Variants in PIK3R3 observed in about 807,000 individuals in gnomAD.
PIK3R3 encodes the protein phosphatidylinositol 3-kinase regulatory subunit gamma.
PIK3R3 carries 64 observed loss-of-function variants against 62.9 expected under a neutral mutation model. The observed-to-expected ratio is 1.02, with a 90% confidence interval of 0.83 to 1.25. PIK3R3 has a LOEUF of 1.25. PIK3R3 is among the 50% of genes most tolerant of loss of function. PIK3R3 has a pLI of 0.00. For missense variants in PIK3R3, 614 were observed against 561.6 expected (o/e 1.09, Z -0.94); for synonymous variants, 165 against 189.0 (o/e 0.87, Z 1.04).
At position 46,043,769 on chromosome 1, in the gene PIK3R3, G is replaced by A. The variant is rs764365785; in HGVS notation, c.1290C>T (p.Leu430=). 6.8e-6 allele frequency: 11 copies of A among 1,614,154 alleles called. No homozygotes were observed. The highest frequency in any genetic ancestry group is 4.0e-5 in the African/African-American group (3 of 75,058). Reference sequence around the variant, plus strand: ...GAACCAAGGATGTCTGCTGGTAATGGAGCACTAGCTCCTTCAGAGAGCTGT... The same window carrying A: ...GAACCAAGGATGTCTGCTGGTAATGAAGCACTAGCTCCTTCAGAGAGCTGT... ...NLYSSLKELV[L]HYQQTSLVQH... The change falls in exon 10 of 10, where the codon CTC becomes CTT. Residue 430 remains leucine, a synonymous_variant. Coordinates refer to ENST00000262741, the MANE Select transcript of PIK3R3 (RefSeq NM_003629.4).
At chr1:46,159,269 A>G in the PIK3R3 span, among the ~76,000 whole-genome samples, 2 of 152,162 alleles carry the variant, frequency 1.3e-5, no homozygotes, top group Admixed American at 6.5e-5. Flanking sequence ...ACTAGATTAT[A>G]AATTCCATGG....
At chr1:46,053,931 C>A (rs534827580) in intron 7 of PIK3R3, among the ~76,000 whole-genome samples, 1 of 152,186 alleles carries the variant, frequency 6.6e-6, no homozygotes, top group Non-Finnish European at 1.5e-5. Flanking sequence ...AGCAGACACA[C>A]CCCATTTACA....
At chr1:46,144,855 C>A in the PIK3R3 span, among the ~76,000 whole-genome samples, 2 of 151,094 alleles carry the variant, frequency 1.3e-5, no homozygotes, top group South Asian at 2.1e-4. Context: ...CTGGGCACGG[C>A]GGCTCATGGC....
At chr1:46,125,108 T>A (rs952047407) in intron 1 of PIK3R3, among the ~76,000 whole-genome samples, 7 of 151,794 alleles carry the variant, frequency 4.6e-5, no homozygotes, top group Admixed American at 1.3e-4. Context: ...TCAAAAAAAA[T>A]TTTAAAAATT....
chr1:46,094,053 A>G (rs1347898193), intron 1 of PIK3R3, among the ~76,000 whole-genome samples: 2 of 151,700 alleles, frequency 1.3e-5, no homozygotes, highest in Non-Finnish European at 2.9e-5. Context: ...TGGGCAACAG[A>G]GTGAGACCCT....
chr1:46,100,645 T>G (rs1445202183), intron 1 of PIK3R3, among the ~76,000 whole-genome samples: 5 of 152,232 alleles, frequency 3.3e-5, no homozygotes, highest in African/African-American at 9.6e-5. Context: ...TGAAATACCC[T>G]GTCATTATAT....
chr1:46,131,923 G>A lies in PIK3R3; in HGVS notation c.30C>T (p.Arg10=), dbSNP rs1655641132. Residue 10 remains arginine (R), a synonymous_variant, in exon 1 of 10, where the codon CGC becomes CGT. Transcript: ENST00000262741. ...TCACCTCCCTCCAGTCTGCGTCATC[G>A]CGGTCCATACTCCACACCGTATTGT... MYNTVWSMD[R]DDADWREVMM... 1 of 1,613,602 alleles carries A rather than the reference G, an allele frequency of 6.2e-7. No homozygotes were observed. Among genetic ancestry groups the A allele is most frequent in the Non-Finnish European group, 8.5e-7 (1 of 1,179,820 alleles).
chr1:46,132,964 A>G (rs544869704), upstream of PIK3R3: 6,046 of 1,115,314 alleles, frequency 5.4e-3, 22 homozygotes, highest in Non-Finnish European at 6.1e-3. Flanking sequence ...TGCCGGGAGC[A>G]CGCGAGCCAG....
intron 7 of PIK3R3, chr1:46,048,070 C>G (rs1571346992): frequency 1.3e-5 from 2 of 152,344 alleles, no homozygotes; most frequent in African/African-American, 2.4e-5. Context: ...CATGAGCCAC[C>G]GTGCCAGGCC....
chr1:46,155,887 G>C, the PIK3R3 span, among the ~76,000 whole-genome samples: 1 of 152,114 alleles, frequency 6.6e-6, no homozygotes, highest in African/African-American at 2.4e-5. Flanking sequence ...CATAAATAAA[G>C]TCATACTCAT....
At chr1:46,054,616 A>G (rs1181931671) in intron 7 of PIK3R3, among the ~76,000 whole-genome samples, 1 of 152,096 alleles carries the variant, frequency 6.6e-6, no homozygotes, top group African/African-American at 2.4e-5. Flanking sequence ...TCACCCATAG[A>G]TGCATTTCAA....
Position 46,044,727 on chromosome 1 carries a change from C to A in PIK3R3, c.1188-856G>T, listed in dbSNP as rs1192148388. Among the ~76,000 whole-genome samples the A allele has an allele frequency of 1.3e-5, 2 of 152,216 alleles. No homozygotes were observed. The highest frequency in any genetic ancestry group is 4.8e-5 in the African/African-American group (2 of 41,448). ...CTTTTCCACAAAACCTCCCAATCCG[C>A]TCTTTCTCCACTAAAATTAATGCTT... is the stretch of plus-strand genomic sequence containing the variant. On this transcript the variant is annotated intron_variant, in intron 9 of 9. Transcript: ENST00000262741. This position sits in a 1 kb window ranked among gnomAD's most constrained non-coding sequence, Gnocchi z 4.2.
intron 1 of PIK3R3, among the ~76,000 whole-genome samples, chr1:46,106,399 C>T (rs1214885368): frequency 1.3e-5 from 2 of 152,158 alleles, no homozygotes; most frequent in Non-Finnish European, 2.9e-5. Context: ...AGCTATCATA[C>T]CAAGCCTCAA....
Position 46,045,968 on chromosome 1 carries a change from T to TC in PIK3R3, c.1136_1137insG (p.Phe380IlefsTer5). ...TCTTGCTACTCTCACGAATTAAGAA[T>TC]GCACCATCAGGTTTCCCATAAAGCA... is the stretch of plus-strand genomic sequence containing the variant. On this transcript the variant is annotated frameshift_variant, in exon 9 of 10. Coordinates refer to ENST00000262741, the MANE Select transcript of PIK3R3 (RefSeq NM_003629.4). LOFTEE classifies it high-confidence loss of function. 1 of 1,613,818 alleles carries TC rather than the reference T, an allele frequency of 6.2e-7. No individual in the cohort carries two copies. The highest frequency in any genetic ancestry group is 8.5e-7 in the Non-Finnish European group (1 of 1,179,864).
the PIK3R3 span, among the ~76,000 whole-genome samples, chr1:46,140,831 CTTTGTTTTTTGTTTT>C: frequency 5.2e-4 from 79 of 151,788 alleles, no homozygotes; most frequent in East Asian, 1.4e-3. Flanking sequence ...TTTTTTTGTT[CTTTGTTTTTTGTTTT>C]TTTGTTTTTT....
chr1:46,164,671 C>G, the PIK3R3 span, among the ~76,000 whole-genome samples: 5 of 152,168 alleles, frequency 3.3e-5, no homozygotes, highest in African/African-American at 9.7e-5. Flanking sequence ...TCCAAGCCCC[C>G]CACCTTGCCC....
intron 1 of PIK3R3, among the ~76,000 whole-genome samples, chr1:46,085,819 C>T (rs952114003): frequency 7.2e-5 from 11 of 152,134 alleles, no homozygotes; most frequent in African/African-American, 9.7e-5. Flanking sequence ...AATGAGTATC[C>T]ATAAAATATA....
the PIK3R3 span, among the ~76,000 whole-genome samples, chr1:46,159,123 A>G: frequency 6.6e-6 from 1 of 151,784 alleles, no homozygotes; most frequent in African/African-American, 2.4e-5. Context: ...AAATAAATAA[A>G]ATAAAATGGC....
chr1:46,080,399 T>G (rs560351141), intron 2 of PIK3R3, among the ~76,000 whole-genome samples: 1 of 151,670 alleles, frequency 6.6e-6, no homozygotes, highest in East Asian at 1.9e-4. Context: ...AGTAGAGCAT[T>G]ACAATGCTCT....
Sources: gnomAD v4.1 joint callset for allele counts (sites outside exome capture counted in the v4.1 genomes callset) on GRCh38, gnomAD v4.1.1 for gene constraint, Gnocchi (gnomAD v3.1) non-coding constraint, MANE v1.5 for transcripts, NCBI Gene and HGNC (gene_info 2026-07-23, HGNC 2026-07-21) for gene names.